Variants in DENND2C observed in about 807,000 individuals in gnomAD.
DENND2C encodes DENN domain containing 2C.
In DENND2C, 72 loss-of-function variants were observed where a neutral mutation model predicts 112.4. The ratio of observed to expected loss-of-function variants is 0.64; its 90% CI spans 0.53 to 0.78. The LOEUF is 0.78. Among genes scored for constraint, DENND2C ranks in the 30% least tolerant of loss-of-function variants. The pLI is 0.00. For missense variants in DENND2C, 992 were observed against 1,113.8 expected, an observed-to-expected ratio of 0.89 and a Z score of 1.56; for synonymous variants, 329 against 381.6, an observed-to-expected ratio of 0.86 and a Z score of 1.61.
At chr1:114,603,312 TA>T (rs1655568653) in intron 11 of DENND2C, among the ~76,000 whole-genome samples, 1 of 152,048 alleles carries the variant, frequency 6.6e-6, no homozygotes, top group African/African-American at 2.4e-5. Flanking sequence ...GCTGATTTTT[TA>T]TTTTTAGTAG....
At position 114,584,499 on chromosome 1, in the gene DENND2C, C is replaced by T. The variant is rs1288283563; in HGVS notation, c.*1101G>A. On this transcript the variant is annotated 3_prime_UTR_variant, in exon 21 of 21. Coordinates refer to ENST00000393274, the MANE Select transcript of DENND2C (RefSeq NM_001256404.2). ...ACCATGTTGCCAGGCTGGTCTCGAA[C>T]TCCTGACCTCAAATGATCCACTCGC... The T allele has an allele frequency of 1.3e-5, 2 of 152,192 alleles. No homozygotes were observed. The highest frequency in any genetic ancestry group is 4.8e-5 in the African/African-American group (2 of 41,414). 9.4% of individuals were successfully genotyped at this position (152,192 alleles called of 1,614,324 possible).
chr1:114,647,016 T>G lies in DENND2C; in HGVS notation c.-316-1457A>C, dbSNP rs1657008516. 2.0e-5 allele frequency among the ~76,000 whole-genome samples: 3 copies of G among 152,112 alleles called. No individual in the cohort carries two copies. The South Asian group carries it at 6.2e-4, about 32-fold the overall frequency. The stretch of plus-strand genomic sequence containing the variant: ...CTCTACTAAAAATACAAAAATAAGC[T>G]GGACGTGGTGGTGCATGCCTGTAAT... On this transcript the variant is annotated intron_variant, in intron 2 of 20. Coordinates refer to ENST00000393274, the MANE Select transcript of DENND2C (RefSeq NM_001256404.2).
chr1:114,597,758 G>A (rs1655384534), intron 16 of DENND2C, among the ~76,000 whole-genome samples: 1 of 152,184 alleles, frequency 6.6e-6, no homozygotes. Flanking sequence ...ACTCCAGCCT[G>A]GGCAACAGAT....
At chr1:114,603,245 A>T (rs1039246000) in intron 11 of DENND2C, among the ~76,000 whole-genome samples, 2 of 151,822 alleles carry the variant, frequency 1.3e-5, no homozygotes, top group African/African-American at 4.8e-5. Flanking sequence ...GGTTCAAGCA[A>T]TGCTCCTGCC....
At chr1:114,647,654 C>T (rs562943197) in intron 2 of DENND2C, among the ~76,000 whole-genome samples, 1 of 152,296 alleles carries the variant, frequency 6.6e-6, no homozygotes, top group East Asian at 1.9e-4. Context: ...CCCCTAACCT[C>T]AAGTGATTCG....
chr1:114,653,147 C>T (rs903757152), intron 2 of DENND2C, among the ~76,000 whole-genome samples: 3 of 151,694 alleles, frequency 2.0e-5, no homozygotes, highest in African/African-American at 7.3e-5. Context: ...CTCACTTTGT[C>T]GACCAGGCTG....
intron 15 of DENND2C, among the ~76,000 whole-genome samples, chr1:114,599,798 T>C (rs572549481): frequency 6.6e-6 from 1 of 152,272 alleles, no homozygotes; most frequent in South Asian, 2.1e-4. Context: ...GGCTTTTTGA[T>C]GATTTACCAT....
At chr1:114,605,521 G>C (rs1655635845) in intron 10 of DENND2C, among the ~76,000 whole-genome samples, 1 of 152,234 alleles carries the variant, frequency 6.6e-6, no homozygotes, top group Non-Finnish European at 1.5e-5. Flanking sequence ...GATACGGCCA[G>C]ATGCACTGGC....
chr1:114,591,726 C>T (rs904614109), intron 18 of DENND2C, among the ~76,000 whole-genome samples: 9 of 151,766 alleles, frequency 5.9e-5, no homozygotes, highest in Non-Finnish European at 1.3e-4. Flanking sequence ...TTCTTCTATT[C>T]TTTTAAAAAT....
chr1:114,606,298 G>A (rs1489183872), intron 10 of DENND2C, among the ~76,000 whole-genome samples: 1 of 152,140 alleles, frequency 6.6e-6, no homozygotes, highest in Non-Finnish European at 1.5e-5. Context: ...AGGCTACATT[G>A]AGAAATTTTA....
At chr1:114,615,244 A>G (rs1406792564) in intron 8 of DENND2C, among the ~76,000 whole-genome samples, 1 of 152,252 alleles carries the variant, frequency 6.6e-6, no homozygotes. Context: ...ACCTGGCACG[A>G]GTTTTCATTT....
At chr1:114,630,301 G>A (rs539828383) in intron 3 of DENND2C, among the ~76,000 whole-genome samples, 26 of 149,850 alleles carry the variant, frequency 1.7e-4, no homozygotes, top group African/African-American at 4.9e-4. Context: ...AGCGAGATTC[G>A]TTCAAAAAAA....
chr1:114,601,422 C>T, intron 13 of DENND2C, 86 bp downstream of exon 13: 1 of 1,361,570 alleles, frequency 7.3e-7, no homozygotes, highest in South Asian at 1.4e-5. Flanking sequence ...GGGAACCTTT[C>T]TGAAGTAACA....
intron 1 of DENND2C, among the ~76,000 whole-genome samples, chr1:114,661,695 C>T (rs1238565488): frequency 6.6e-6 from 1 of 152,166 alleles, no homozygotes; most frequent in African/African-American, 2.4e-5. Context: ...TAGTTTTTCT[C>T]AGGTGACCAT....
Position 114,600,338 on chromosome 1 carries a change from G to A in DENND2C, c.1971C>T (p.Cys657=). The A allele has an allele frequency of 6.2e-7, 1 of 1,614,022 alleles. No homozygotes were observed. Among genetic ancestry groups the A allele is most frequent in the Non-Finnish European group, 8.5e-7 (1 of 1,179,956 alleles). Residue 657 remains cysteine, a synonymous_variant, in exon 15 of 21, where the codon TGC becomes TGT. Coordinates refer to ENST00000393274, the MANE Select transcript of DENND2C (RefSeq NM_001256404.2). Reference sequence around the variant, plus strand: ...GTTCCAATCGGGAATCTAGTGGTCGGCAGAGTTCAATGGACTGAAATGCAA... The same window carrying A: ...GTTCCAATCGGGAATCTAGTGGTCGACAGAGTTCAATGGACTGAAATGCAA... ...PGAGDESIEL[C]RPLDSRLEHV... is the part of the protein sequence containing the mutation.
chr1:114,653,048 T>A (rs1657213847), intron 2 of DENND2C, among the ~76,000 whole-genome samples: 1 of 152,082 alleles, frequency 6.6e-6, no homozygotes, highest in Non-Finnish European at 1.5e-5. Context: ...GCAAAATCCA[T>A]GGATACAGAA....
chr1:114,624,094 T>C (rs1383720442), intron 4 of DENND2C, among the ~76,000 whole-genome samples: 9 of 152,166 alleles, frequency 5.9e-5, no homozygotes, highest in Admixed American at 2.0e-4. Flanking sequence ...ACAAAGGTGT[T>C]TTATCAGAGA....
intron 8 of DENND2C, among the ~76,000 whole-genome samples, chr1:114,613,981 C>A (rs550375642): frequency 6.6e-6 from 1 of 151,854 alleles, no homozygotes; most frequent in East Asian, 1.9e-4. Flanking sequence ...ACCTATAATC[C>A]CAGCATTTTC....
Position 114,594,507 on chromosome 1 carries a change from A to G in DENND2C, c.2397T>C (p.Asn799=). The change falls in exon 18 of 21, where the codon AAT becomes AAC. Residue 799 remains asparagine (N), a synonymous_variant. Coordinates refer to ENST00000393274, the MANE Select transcript of DENND2C (RefSeq NM_001256404.2). ...AATTCTGCTCCTGAGTCAAGATTTC[A>G]TTTCGTTCTTCCAAAATCTGCATCA... is the stretch of plus-strand genomic sequence containing the variant. The part of the protein sequence containing the change: ...AALMQILEER[N]EILTQEQNFS... 2 of 1,613,956 alleles carry G rather than the reference A, an allele frequency of 1.2e-6. No homozygotes were observed. Among genetic ancestry groups the G allele is most frequent in the Non-Finnish European group, 1.7e-6 (2 of 1,179,972 alleles).
Sources: gnomAD v4.1 joint callset for allele counts (sites outside exome capture counted in the v4.1 genomes callset) on GRCh38, gnomAD v4.1.1 for gene constraint, MANE v1.5 for transcripts, NCBI Gene and HGNC (gene_info 2026-07-23, HGNC 2026-07-21) for gene names.